The following XKR4 variants were observed in gnomAD, a reference collection of about 807,000 sequenced individuals.
XKR4 encodes XK related 4.
Under a neutral mutation model 53.9 loss-of-function variants are expected in XKR4, and 12 were observed. The observed-to-expected ratio is 0.22, with a 90% CI of 0.14 to 0.36. The LOEUF is 0.36. Among genes scored for constraint, XKR4 ranks in the 10% least tolerant of loss-of-function variants. The probability of loss-of-function intolerance (pLI) is 1.00; values close to 1 mark genes in which losing one functional copy is unlikely to be tolerated. For synonymous variants in XKR4, 354 were observed against 362.4 expected, an observed-to-expected ratio of 0.98 and a Z score of 0.26; for missense variants, 799 against 859.5, an observed-to-expected ratio of 0.93 and a Z score of 0.88.
chr8:55,157,712 G>C (rs1204923413), intron 1 of XKR4, among the ~76,000 whole-genome samples: 1 of 152,038 alleles, frequency 6.6e-6, no homozygotes, highest in Non-Finnish European at 1.5e-5. Context: ...GTCTGTTGTT[G>C]CCTTCCTTGT....
At chr8:55,307,255 A>G (rs1456227057) in intron 1 of XKR4, among the ~76,000 whole-genome samples, 1 of 152,222 alleles carries the variant, frequency 6.6e-6, no homozygotes, top group Non-Finnish European at 1.5e-5. Context: ...ACAAAGGACT[A>G]GTTCCTAGAA....
At chr8:55,205,453 G>T (rs1189697345) in intron 1 of XKR4, among the ~76,000 whole-genome samples, 3 of 152,056 alleles carry the variant, frequency 2.0e-5, no homozygotes, top group Non-Finnish European at 4.4e-5. Context: ...GGAAATAAAT[G>T]AACAAATGTA....
At chr8:55,220,425 A>T (rs1007569551) in intron 1 of XKR4, among the ~76,000 whole-genome samples, 2 of 152,250 alleles carry the variant, frequency 1.3e-5, no homozygotes, top group Non-Finnish European at 2.9e-5. Flanking sequence ...ATGAAAGTGA[A>T]CATAAATATT....
chr8:55,531,159 C>T lies in XKR4; in HGVS notation c.*6932C>T, dbSNP rs1806947925. On this transcript the variant is annotated 3_prime_UTR_variant, in exon 3 of 3. Transcript: ENST00000327381. Reference sequence around the variant, plus strand: ...TGGGGATATGTTCTGAGATATGCATCGTCAGGCAATTTTGTCATTGTGTGA... The same window carrying T: ...TGGGGATATGTTCTGAGATATGCATTGTCAGGCAATTTTGTCATTGTGTGA... 1 of 152,100 alleles carries T rather than the reference C, an allele frequency of 6.6e-6. No homozygotes were observed. The highest frequency in any genetic ancestry group is 1.9e-4 in the East Asian group (1 of 5,184). The allele number at this position is 152,100 out of a possible 1,614,324, so 9.4% of individuals were successfully genotyped here. A position where few individuals can be genotyped will look rare whatever the true frequency, so the allele number is the denominator to read the frequency against.
intron 1 of XKR4, among the ~76,000 whole-genome samples, chr8:55,337,769 T>G (rs1304193842): frequency 6.6e-6 from 1 of 152,238 alleles, no homozygotes; most frequent in Non-Finnish European, 1.5e-5. Flanking sequence ...AATAAAGGCT[T>G]TTTAAAGGAA....
chr8:55,465,434 T>G (rs1351859956), intron 2 of XKR4, among the ~76,000 whole-genome samples: 1 of 152,036 alleles, frequency 6.6e-6, no homozygotes, highest in South Asian at 2.1e-4. Context: ...GCTAGCCATA[T>G]GTAGAAAGCT....
chr8:55,149,708 C>G (rs1158227347), intron 1 of XKR4, among the ~76,000 whole-genome samples: 1 of 152,136 alleles, frequency 6.6e-6, no homozygotes, highest in Non-Finnish European at 1.5e-5. Flanking sequence ...CAGCAGCCAG[C>G]AGGCTGGGAT....
Position 55,487,387 on chromosome 8 carries a change from C to G in XKR4, c.1007-35894C>G, listed in dbSNP as rs562758734. Among the ~76,000 whole-genome samples, 364 of 152,264 alleles carry G rather than the reference C, an allele frequency of 2.4e-3. 1 individual carries two copies. The highest frequency in any genetic ancestry group is 3.9e-3 in the Non-Finnish European group (266 of 68,030). On this transcript the variant is annotated intron_variant, in intron 2 of 2. Coordinates refer to ENST00000327381, the MANE Select transcript of XKR4 (RefSeq NM_052898.2). Reference sequence around the variant, plus strand: ...TCTTTCTCCACATAGTCCACTCAGACTCACACACTAATTGCCTCTGGAAAC... The same window carrying G: ...TCTTTCTCCACATAGTCCACTCAGAGTCACACACTAATTGCCTCTGGAAAC...
At chr8:55,417,885 T>A (rs1804872330) in intron 2 of XKR4, among the ~76,000 whole-genome samples, 1 of 152,188 alleles carries the variant, frequency 6.6e-6, no homozygotes, top group Non-Finnish European at 1.5e-5. Flanking sequence ...TGGTATTGGC[T>A]ACACCAAGAA....
intron 2 of XKR4, among the ~76,000 whole-genome samples, chr8:55,405,913 C>T (rs1804672936): frequency 2.0e-5 from 3 of 152,176 alleles, no homozygotes; most frequent in African/African-American, 7.2e-5. Context: ...TGAGCCCTTC[C>T]ACCTGCATGC....
At chr8:55,432,843 G>A (rs1490685325) in intron 2 of XKR4, among the ~76,000 whole-genome samples, 1 of 150,972 alleles carries the variant, frequency 6.6e-6, no homozygotes, top group Non-Finnish European at 1.5e-5. Flanking sequence ...CACTAGAGGA[G>A]AGGAAAGGAA....
chr8:55,169,511 A>G (rs938159346), intron 1 of XKR4, among the ~76,000 whole-genome samples: 1 of 152,246 alleles, frequency 6.6e-6, no homozygotes, highest in African/African-American at 2.4e-5. Flanking sequence ...CACTTCCAAC[A>G]TAATGCCAGG....
intron 2 of XKR4, chr8:55,452,626 C>T: frequency 3.9e-6 from 5 of 1,294,624 alleles, no homozygotes; most frequent in Non-Finnish European, 5.6e-6. Context: ...ATGTCTGGCA[C>T]CATGACATGC....
chr8:55,246,974 T>C (rs1563492268), intron 1 of XKR4, among the ~76,000 whole-genome samples: 1 of 152,132 alleles, frequency 6.6e-6, no homozygotes, highest in Non-Finnish European at 1.5e-5. Flanking sequence ...AGAGATAAGA[T>C]GTCTTAGTGT....
intron 2 of XKR4, chr8:55,517,093 T>C (rs1389311759): frequency 6.6e-6 from 1 of 151,954 alleles, no homozygotes; most frequent in East Asian, 1.9e-4. Context: ...TGTGGACATA[T>C]GGAGTGGAAT....
At chr8:55,493,915 C>T (rs142517646) in intron 2 of XKR4, among the ~76,000 whole-genome samples, 1 of 152,350 alleles carries the variant, frequency 6.6e-6, no homozygotes, top group African/African-American at 2.4e-5. Flanking sequence ...TCTTCGTATC[C>T]ATCCATTTGT....
chr8:55,405,481 A>T (rs1292804298), intron 2 of XKR4, among the ~76,000 whole-genome samples: 1 of 152,226 alleles, frequency 6.6e-6, no homozygotes. Flanking sequence ...CAGCAGGTCA[A>T]TCACCTCTTG....
chr8:55,133,170 T>C (rs1386590799), intron 1 of XKR4, among the ~76,000 whole-genome samples: 1 of 152,170 alleles, frequency 6.6e-6, no homozygotes, highest in Non-Finnish European at 1.5e-5. Context: ...GAACAATTAA[T>C]GGAAAACAGC....
intron 1 of XKR4, among the ~76,000 whole-genome samples, chr8:55,108,116 G>A (rs893874383): frequency 2.6e-5 from 4 of 152,184 alleles, no homozygotes; most frequent in South Asian, 2.1e-4. Context: ...CTGAGCAAAG[G>A]TTTGAGGGAT....
Sources: gnomAD v4.1 joint callset for allele counts (sites outside exome capture counted in the v4.1 genomes callset) on GRCh38, gnomAD v4.1.1 for gene constraint, MANE v1.5 for transcripts, NCBI Gene and HGNC (gene_info 2026-07-23, HGNC 2026-07-21) for gene names.